The following TENM3 variants were observed in gnomAD, a reference collection of about 807,000 sequenced individuals.
TENM3 encodes the protein teneurin transmembrane protein 3, also known as teneurin-3.
TENM3 carries 63 observed loss-of-function variants against 255.1 expected under a neutral mutation model. The observed-to-expected ratio is 0.25, with a 90% CI of 0.20 to 0.30. The LOEUF is 0.30. Ranked by LOEUF, TENM3 falls within the 10% of genes least tolerant of loss-of-function variation. TENM3 has a pLI of 1.00. For missense variants in TENM3, 2,929 were observed against 3,461.1 expected, an observed-to-expected ratio of 0.85 and a Z score of 3.86; for synonymous variants, 1,306 against 1,322.3, an observed-to-expected ratio of 0.99 and a Z score of 0.27.
chr4:181,552,975 G>A, the TENM3 span, among the ~76,000 whole-genome samples: 2 of 152,070 alleles, frequency 1.3e-5, no homozygotes, highest in Admixed American at 6.6e-5. Flanking sequence ...TCCTTTTGTC[G>A]ATGGTGCTTT....
At chr4:181,512,566 T>C in the TENM3 span, among the ~76,000 whole-genome samples, 1 of 152,294 alleles carries the variant, frequency 6.6e-6, no homozygotes, top group East Asian at 1.9e-4. Flanking sequence ...TTCACTTCTT[T>C]TTGGAAAGGC....
intron 1 of TENM3, among the ~76,000 whole-genome samples, chr4:182,159,447 AGTGTGTGTGTGTGTGTGT>A (rs67981646): frequency 9.9e-5 from 13 of 130,720 alleles, no homozygotes; most frequent in Non-Finnish European, 1.8e-4. Flanking sequence ...AGTGTGTATG[AGTGTGTGTGTGTGTGTGT>A]GTGTGTGTGT....
chr4:182,111,996 T>TA, the TENM3 span, among the ~76,000 whole-genome samples: 4 of 152,122 alleles, frequency 2.6e-5, no homozygotes, highest in Non-Finnish European at 5.9e-5. Context: ...TTTTACATTT[T>TA]AAAAAATTAC....
the TENM3 span, among the ~76,000 whole-genome samples, chr4:181,684,016 T>C: frequency 1.3e-5 from 2 of 152,132 alleles, no homozygotes; most frequent in African/African-American, 4.8e-5. Flanking sequence ...ATTTAACAAA[T>C]AGTAGTTATT....
At chr4:181,628,685 T>C in the TENM3 span, among the ~76,000 whole-genome samples, 1 of 152,190 alleles carries the variant, frequency 6.6e-6, no homozygotes, top group African/African-American at 2.4e-5. Flanking sequence ...TCTGTTCCAT[T>C]GGTCTATATC....
intron 3 of TENM3, among the ~76,000 whole-genome samples, chr4:182,395,420 G>A (rs1768740362): frequency 6.6e-6 from 1 of 152,066 alleles, no homozygotes; most frequent in Admixed American, 6.6e-5. Flanking sequence ...AATTAGTTTG[G>A]GTAAAATGTG....
chr4:182,740,060 C>T (rs967525791), intron 18 of TENM3, among the ~76,000 whole-genome samples: 1 of 152,084 alleles, frequency 6.6e-6, no homozygotes, highest in Non-Finnish European at 1.5e-5. Flanking sequence ...GAAGAAAATG[C>T]TAGTGCCTTC....
intron 3 of TENM3, among the ~76,000 whole-genome samples, chr4:182,408,264 A>T (rs17073251): frequency 0.014 from 2,111 of 152,296 alleles, 43 homozygotes; most frequent in East Asian, 0.067. Context: ...CAAATTCCAT[A>T]AAAAAGACAC....
chr4:181,839,345 G>GTATATATA, the TENM3 span, among the ~76,000 whole-genome samples: 4 of 56,666 alleles, frequency 7.1e-5, no homozygotes, highest in Admixed American at 2.3e-4. Flanking sequence ...TGTATTGAGG[G>GTATATATA]TATATATATA....
chr4:182,785,631 C>T (rs2152818720), intron 24 of TENM3, among the ~76,000 whole-genome samples: 1 of 149,726 alleles, frequency 6.7e-6, no homozygotes, highest in East Asian at 2.0e-4. Flanking sequence ...TCACTTGAGC[C>T]CAGACAGTCG....
At chr4:181,688,066 A>C in the TENM3 span, among the ~76,000 whole-genome samples, 1 of 152,182 alleles carries the variant, frequency 6.6e-6, no homozygotes, top group Non-Finnish European at 1.5e-5. Context: ...TACTCACAGA[A>C]AGTGGAACAA....
chr4:182,577,891 T>C (rs1745090373), intron 3 of TENM3, among the ~76,000 whole-genome samples: 1 of 152,206 alleles, frequency 6.6e-6, no homozygotes, highest in East Asian at 1.9e-4. Flanking sequence ...ATTTATTGCC[T>C]TCCCTCCTGA....
intron 22 of TENM3, among the ~76,000 whole-genome samples, chr4:182,770,942 G>A (rs1764152950): frequency 6.6e-6 from 1 of 152,170 alleles, no homozygotes; most frequent in Non-Finnish European, 1.5e-5. Flanking sequence ...CACAAATTCA[G>A]AACTTCCAGG....
At chr4:182,057,220 A>G in the TENM3 span, among the ~76,000 whole-genome samples, 1 of 151,764 alleles carries the variant, frequency 6.6e-6, no homozygotes, top group South Asian at 2.1e-4. Flanking sequence ...AGGAGAATAA[A>G]GCATGGACCT....
chr4:181,610,541 G>A, the TENM3 span, among the ~76,000 whole-genome samples: 2 of 152,016 alleles, frequency 1.3e-5, no homozygotes, highest in African/African-American at 4.8e-5. Context: ...GCATTAAAAA[G>A]GAAGATATTT....
At chr4:182,616,519 TAATAA>T (rs1561007896) in intron 4 of TENM3, among the ~76,000 whole-genome samples, 5 of 5,688 alleles carry the variant, frequency 8.8e-4, no homozygotes, top group Admixed American at 2.4e-3. Context: ...ACTTAAAGTA[TAATAA>T]AAAAAAAAAA....
At chr4:182,530,799 A>G (rs983554610) in intron 3 of TENM3, among the ~76,000 whole-genome samples, 1 of 152,218 alleles carries the variant, frequency 6.6e-6, no homozygotes, top group East Asian at 1.9e-4. Flanking sequence ...GAAAAAGGAA[A>G]GAGCTCGAAG....
the TENM3 span, among the ~76,000 whole-genome samples, chr4:181,933,277 G>A: frequency 6.6e-6 from 1 of 152,092 alleles, no homozygotes; most frequent in Non-Finnish European, 1.5e-5. Context: ...ATATTTTCTT[G>A]CAGTTATCAA....
intron 1 of TENM3, among the ~76,000 whole-genome samples, chr4:182,156,616 A>G (rs1433321957): frequency 6.6e-6 from 1 of 151,350 alleles, no homozygotes; most frequent in East Asian, 1.9e-4. Flanking sequence ...CTTTAAGAAA[A>G]CCCCATTAAA....
Sources: allele counts gnomAD v4.1 joint callset (sites outside exome capture counted in the v4.1 genomes callset), GRCh38; gene constraint gnomAD v4.1.1; transcripts MANE v1.5; gene names NCBI Gene and HGNC (gene_info 2026-07-23, HGNC 2026-07-21).